Variants in SPAG16 observed in about 807,000 individuals in gnomAD.
SPAG16 encodes sperm-associated antigen 16 protein.
SPAG16 carries 86 observed loss-of-function variants against 80.4 expected under a neutral mutation model. That is an observed-to-expected ratio of 1.07 (90% CI 0.90 to 1.28). The LOEUF (loss-of-function observed/expected upper bound fraction) is 1.28, where lower values mean the gene tolerates loss of function less well. SPAG16 is among the 50% of genes most tolerant of loss of function. SPAG16 has a pLI of 0.00. For synonymous variants in SPAG16, 294 were observed against 265.9 expected (o/e 1.11, Z -1.03); for missense variants, 870 against 765.3 (o/e 1.14, Z -1.61).
intron 13 of SPAG16, among the ~76,000 whole-genome samples, chr2:214,097,683 G>C (rs1039491056): frequency 2.6e-5 from 4 of 151,942 alleles, no homozygotes; most frequent in Non-Finnish European, 5.9e-5. Flanking sequence ...GTGCGTGTGT[G>C]TGCATTAGTT....
chr2:213,745,035 A>G (rs1266671536), intron 10 of SPAG16, among the ~76,000 whole-genome samples: 1 of 152,214 alleles, frequency 6.6e-6, no homozygotes, highest in African/African-American at 2.4e-5. Context: ...TCAAACATAA[A>G]TTCACCTACA....
At chr2:213,753,394 C>T (rs2068174313) in intron 10 of SPAG16, among the ~76,000 whole-genome samples, 1 of 152,200 alleles carries the variant, frequency 6.6e-6, no homozygotes, top group African/African-American at 2.4e-5. Context: ...TGAGAAATCA[C>T]TGAACTGTTT....
In SPAG16 at chr2:213,447,783, C is replaced by T. The variant is rs146412497; in HGVS notation, c.943-42180C>T. Among the ~76,000 whole-genome samples the T allele has an allele frequency of 8.9e-4, 136 of 152,288 alleles. 1 individual carries two copies. The highest frequency in any genetic ancestry group is 3.0e-3 in the African/African-American group (126 of 41,560). Reference sequence around the variant, plus strand: ...TCAAACTGTCCAATGCATTAATTGCCATTTATACACTTGTGTTAACTCCTG... The same window carrying T: ...TCAAACTGTCCAATGCATTAATTGCTATTTATACACTTGTGTTAACTCCTG... On this transcript the variant is annotated intron_variant, in intron 9 of 15. Coordinates refer to ENST00000331683, the MANE Select transcript of SPAG16 (RefSeq NM_024532.5).
At chr2:213,429,025 G>C (rs1190636683) in intron 9 of SPAG16, among the ~76,000 whole-genome samples, 1 of 151,734 alleles carries the variant, frequency 6.6e-6, no homozygotes, top group Non-Finnish European at 1.5e-5. Flanking sequence ...CTGGGAGGCA[G>C]GGGTTGCAGT....
At chr2:213,583,827 C>T (rs948580576) in intron 10 of SPAG16, among the ~76,000 whole-genome samples, 1 of 152,074 alleles carries the variant, frequency 6.6e-6, no homozygotes, top group Non-Finnish European at 1.5e-5. Context: ...ATCTGGATTT[C>T]TATGATTTCT....
intron 9 of SPAG16, among the ~76,000 whole-genome samples, chr2:213,421,910 G>A (rs776854387): frequency 6.6e-6 from 1 of 152,134 alleles, no homozygotes; most frequent in Admixed American, 6.5e-5. Context: ...AACGCATTGG[G>A]CTGACGTGCC....
chr2:213,550,874 AATC>A (rs944797042), intron 10 of SPAG16, among the ~76,000 whole-genome samples: 19 of 152,136 alleles, frequency 1.2e-4, no homozygotes, highest in Non-Finnish European at 2.8e-4. Context: ...AGCCATTTTT[AATC>A]ATGATTATGA....
At chr2:213,825,983 G>A (rs2125705571) in intron 10 of SPAG16, among the ~76,000 whole-genome samples, 1 of 151,774 alleles carries the variant, frequency 6.6e-6, no homozygotes, top group South Asian at 2.1e-4. Flanking sequence ...GTTAATCTTG[G>A]TAGGTTGTAT....
At chr2:213,354,419 GTCAAATGGTATTTCTGGT>G (rs1365793633) in intron 7 of SPAG16, among the ~76,000 whole-genome samples, 2 of 152,122 alleles carry the variant, frequency 1.3e-5, no homozygotes, top group Admixed American at 1.3e-4. Flanking sequence ...GGATTGCTGG[GTCAAATGGTATTTCTGGT>G]TCTAGATCCT....
intron 10 of SPAG16, among the ~76,000 whole-genome samples, chr2:213,675,560 G>A (rs2064020829): frequency 6.6e-6 from 1 of 152,084 alleles, no homozygotes; most frequent in African/African-American, 2.4e-5. Flanking sequence ...ATTGATTTTT[G>A]TATAAGGTGT....
intron 10 of SPAG16, among the ~76,000 whole-genome samples, chr2:213,775,380 G>A (rs2125563979): frequency 6.6e-6 from 1 of 152,234 alleles, no homozygotes; most frequent in East Asian, 1.9e-4. Flanking sequence ...ATATAGCTGT[G>A]AAATTATTAC....
intron 10 of SPAG16, among the ~76,000 whole-genome samples, chr2:213,711,780 A>G (rs942086356): frequency 1.3e-5 from 2 of 152,098 alleles, no homozygotes; most frequent in South Asian, 4.1e-4. Context: ...TTGGCCTCCC[A>G]AAGTGCTGGG....
chr2:214,056,252 T>A (rs890869323), intron 13 of SPAG16, among the ~76,000 whole-genome samples: 11 of 150,102 alleles, frequency 7.3e-5, no homozygotes, highest in Admixed American at 6.7e-4. Flanking sequence ...ATGTCTTGAA[T>A]TTTTTTTTGC....
At chr2:213,873,245 C>T (rs986794912) in intron 11 of SPAG16, among the ~76,000 whole-genome samples, 7 of 152,000 alleles carry the variant, frequency 4.6e-5, no homozygotes, top group Non-Finnish European at 8.8e-5. Flanking sequence ...AATTTGTCTA[C>T]TCTATCCAGG....
intron 10 of SPAG16, among the ~76,000 whole-genome samples, chr2:213,750,623 T>A (rs1440353019): frequency 4.6e-5 from 7 of 152,188 alleles, no homozygotes; most frequent in Non-Finnish European, 4.4e-5. Context: ...GTGAATTGAG[T>A]CACTTCCTCA....
intron 15 of SPAG16, among the ~76,000 whole-genome samples, chr2:214,315,201 G>A (rs1695590946): frequency 1.3e-5 from 2 of 152,122 alleles, no homozygotes; most frequent in Non-Finnish European, 2.9e-5. Flanking sequence ...CATCTTGAGT[G>A]ACACCAAAGA....
intron 15 of SPAG16, among the ~76,000 whole-genome samples, chr2:214,268,791 T>C (rs1249685027): frequency 6.6e-6 from 1 of 151,702 alleles, no homozygotes; most frequent in East Asian, 1.9e-4. Flanking sequence ...ATTTGTGTAT[T>C]TATGTGTCAT....
At chr2:213,904,123 C>G (rs2077334560) in intron 11 of SPAG16, among the ~76,000 whole-genome samples, 2 of 152,180 alleles carry the variant, frequency 1.3e-5, no homozygotes, top group Non-Finnish European at 2.9e-5. Flanking sequence ...TCTTAGCCCT[C>G]CAAACTGTTC....
At chr2:213,839,784 T>G (rs769794993) in intron 10 of SPAG16, among the ~76,000 whole-genome samples, 21 of 152,278 alleles carry the variant, frequency 1.4e-4, no homozygotes, top group Non-Finnish European at 1.9e-4. Flanking sequence ...TATGCTACAG[T>G]ACAATCCTAT....
Sources: allele counts gnomAD v4.1 joint callset (sites outside exome capture counted in the v4.1 genomes callset), GRCh38; gene constraint gnomAD v4.1.1; transcripts MANE v1.5; gene names NCBI Gene and HGNC (gene_info 2026-07-23, HGNC 2026-07-21).